NCAM1: variants seen among roughly 807,000 people sequenced by gnomAD.
NCAM1 encodes neural cell adhesion molecule 1.
A neutral mutation model predicts 109.8 loss-of-function variants in NCAM1; 14 were observed. The ratio of observed to expected loss-of-function variants is 0.13; its 90% confidence interval spans 0.08 to 0.20. NCAM1 has a LOEUF of 0.20. Ranked by LOEUF, NCAM1 falls within the 10% of genes least tolerant of loss-of-function variation. The probability of loss-of-function intolerance (pLI) is 1.00; values close to 1 mark genes in which losing one functional copy is unlikely to be tolerated. For missense variants in NCAM1, 774 were observed against 1,109.9 expected, an observed-to-expected ratio of 0.70 and a Z score of 4.30; for synonymous variants, 418 against 442.9, an observed-to-expected ratio of 0.94 and a Z score of 0.70.
chr11:113,078,337 G>A (rs1938624246), intron 1 of NCAM1, among the ~76,000 whole-genome samples: 1 of 151,944 alleles, frequency 6.6e-6, no homozygotes, highest in South Asian at 2.1e-4. Flanking sequence ...CCTAAATTCT[G>A]GATGATCTTA....
intron 1 of NCAM1, among the ~76,000 whole-genome samples, chr11:113,102,117 C>G (rs1294973724): frequency 2.0e-5 from 3 of 152,152 alleles, no homozygotes; most frequent in Admixed American, 2.0e-4. Flanking sequence ...ATAAACTCTA[C>G]CCTTGTATAA....
intron 1 of NCAM1, among the ~76,000 whole-genome samples, chr11:113,048,798 A>T (rs1953359977): frequency 1.3e-5 from 2 of 152,198 alleles, no homozygotes; most frequent in African/African-American, 4.8e-5. Context: ...ATCAAATGAG[A>T]TAATGTAAAG....
intron 17 of NCAM1, chr11:113,263,645 A>C: frequency 1.0e-6 from 1 of 985,606 alleles, no homozygotes; most frequent in African/African-American, 1.7e-5. Flanking sequence ...AACAAGTGTC[A>C]GCTTTGAAAG....
intron 1 of NCAM1, among the ~76,000 whole-genome samples, chr11:113,057,710 C>T (rs1555082827): frequency 6.6e-6 from 1 of 152,058 alleles, no homozygotes; most frequent in Non-Finnish European, 1.5e-5. Flanking sequence ...CCCTAGTTTC[C>T]TAGCATGAGT....
intron 13 of NCAM1, among the ~76,000 whole-genome samples, chr11:113,234,120 CAGGGGGCCG>C (rs558897199): frequency 5.2e-4 from 78 of 151,430 alleles, no homozygotes; most frequent in Middle Eastern, 3.4e-3. Context: ...TCGGGGGAGC[CAGGGGGCCG>C]AGAGGAGCTG....
At chr11:113,159,496 G>T (rs1032451331) in intron 1 of NCAM1, among the ~76,000 whole-genome samples, 2 of 152,154 alleles carry the variant, frequency 1.3e-5, no homozygotes, top group Non-Finnish European at 2.9e-5. Context: ...CCACTGCATA[G>T]CTGGGTGAAA....
intron 1 of NCAM1, among the ~76,000 whole-genome samples, chr11:113,109,533 A>G (rs1004657686): frequency 6.6e-6 from 1 of 152,298 alleles, no homozygotes; most frequent in East Asian, 1.9e-4. Flanking sequence ...GAAAATGTAT[A>G]TTAATCCCCA....
intron 7 of NCAM1, among the ~76,000 whole-genome samples, chr11:113,210,775 A>AACAC (rs35387760): frequency 0.077 from 10,057 of 130,806 alleles, 453 homozygotes; most frequent in Middle Eastern, 0.12. Flanking sequence ...CTTCATCACA[A>AACAC]ACACACACAC....
intron 10 of NCAM1, 126 bp downstream of exon 10, chr11:113,231,921 C>G: frequency 7.6e-7 from 1 of 1,312,876 alleles, no homozygotes. Context: ...TGCAGCTGAC[C>G]CTGGGCTATT....
intron 1 of NCAM1, among the ~76,000 whole-genome samples, chr11:113,130,315 G>A (rs1941339417): frequency 6.6e-6 from 1 of 152,166 alleles, no homozygotes; most frequent in Non-Finnish European, 1.5e-5. Flanking sequence ...GATATTTATT[G>A]TGCATCTTCT....
intron 4 of NCAM1, 150 bp downstream of exon 4, chr11:113,205,816 T>C: frequency 8.3e-7 from 1 of 1,204,966 alleles, no homozygotes; most frequent in Non-Finnish European, 1.2e-6. Context: ...GATGCATATC[T>C]GAAGTTGGTA....
intron 1 of NCAM1, among the ~76,000 whole-genome samples, chr11:112,981,033 C>T (rs1449468583): frequency 6.6e-6 from 1 of 151,704 alleles, no homozygotes; most frequent in East Asian, 1.9e-4. Flanking sequence ...CCCTTTTATT[C>T]TGGGGAGCTG....
At chr11:113,232,943 G>A in intron 12 of NCAM1, 129 bp downstream of exon 12, 1 of 1,006,690 alleles carries the variant, frequency 9.9e-7, no homozygotes, top group Non-Finnish European at 1.5e-6. Context: ...CAAAGCCAGA[G>A]AGTTGGGAAG....
intron 1 of NCAM1, among the ~76,000 whole-genome samples, chr11:113,059,924 A>G (rs559268455): frequency 6.6e-6 from 1 of 152,330 alleles, no homozygotes; most frequent in Admixed American, 6.5e-5. Flanking sequence ...GTCCAGTGGA[A>G]ACAAAAGACA....
chr11:113,113,081 G>A (rs1940517445), intron 1 of NCAM1, among the ~76,000 whole-genome samples: 1 of 152,072 alleles, frequency 6.6e-6, no homozygotes, highest in South Asian at 2.1e-4. Flanking sequence ...GCAGTGAGCC[G>A]ATATCGCACC....
intron 1 of NCAM1, among the ~76,000 whole-genome samples, chr11:113,126,656 A>G (rs1217855871): frequency 5.9e-5 from 9 of 152,236 alleles, no homozygotes; most frequent in Non-Finnish European, 1.5e-5. Flanking sequence ...TCTCCCTGAC[A>G]TTCTTACTTA....
At chr11:112,968,332 A>C (rs1245717042) in intron 1 of NCAM1, among the ~76,000 whole-genome samples, 7 of 152,246 alleles carry the variant, frequency 4.6e-5, no homozygotes, top group Non-Finnish European at 8.8e-5. Flanking sequence ...TATTCAAATG[A>C]GTGAGATGTA....
At position 113,219,148 on chromosome 11, in the gene NCAM1, T is replaced by A. The variant is rs567705941; in HGVS notation, c.1060-2148T>A. On this transcript the variant is annotated intron_variant, in intron 8 of 19. Transcript: ENST00000316851. ...AAAGGAGAGCAGTGAAGAATTGAGA[T>A]CAGAAGAGATAGGAAAAATGAAAAG... is the stretch of plus-strand genomic sequence containing the variant. 3.9e-5 allele frequency among the ~76,000 whole-genome samples: 6 copies of A among 152,286 alleles called. No homozygotes were observed. The East Asian group carries it at 1.2e-3, about 29-fold the overall frequency.
At chr11:112,992,120 T>A (rs1951473840) in intron 1 of NCAM1, among the ~76,000 whole-genome samples, 1 of 152,202 alleles carries the variant, frequency 6.6e-6, no homozygotes, top group Non-Finnish European at 1.5e-5. Flanking sequence ...TGTATTCTTG[T>A]GGGACAACTG....
Sources: gnomAD v4.1 joint callset for allele counts (sites outside exome capture counted in the v4.1 genomes callset) on GRCh38, gnomAD v4.1.1 for gene constraint, MANE v1.5 for transcripts, NCBI Gene and HGNC (gene_info 2026-07-23, HGNC 2026-07-21) for gene names.